Variants in PGAP1 observed in about 807,000 individuals in gnomAD.
PGAP1 encodes GPI inositol-deacylase.
Under a neutral mutation model 127.0 loss-of-function variants are expected in PGAP1, and 76 were observed. The ratio of observed to expected loss-of-function variants is 0.60; its 90% CI spans 0.50 to 0.72. The LOEUF (loss-of-function observed/expected upper bound fraction) is 0.72. Ranked by LOEUF, PGAP1 falls within the 30% of genes least tolerant of loss-of-function variation. The pLI is 0.00. For missense variants in PGAP1, 982 were observed against 1,071.3 expected (o/e 0.92, Z 1.16); for synonymous variants, 362 against 366.5 (o/e 0.99, Z 0.14).
intron 4 of PGAP1, among the ~76,000 whole-genome samples, chr2:196,904,392 T>C (rs1702615920): frequency 6.6e-6 from 1 of 151,746 alleles, no homozygotes; most frequent in African/African-American, 2.4e-5. Flanking sequence ...ACAAAGAAAA[T>C]GAAGAGACCC....
Position 196,843,888 on chromosome 2 carries a change from C to T in PGAP1, c.2525G>A (p.Arg842Lys). The T allele has an allele frequency of 6.6e-7, 1 of 1,506,564 alleles. No homozygotes were observed. Among genetic ancestry groups the T allele is most frequent in the Non-Finnish European group, 9.0e-7 (1 of 1,115,154 alleles). The allele number at this position is 1,506,564 out of a possible 1,614,324, so 93.3% of individuals were successfully genotyped here. Residue 842 changes from arginine (R) to lysine (K), a missense_variant and splice_region_variant, in exon 25 of 27, where the codon AGG becomes AAG. Coordinates refer to ENST00000354764, the MANE Select transcript of PGAP1 (RefSeq NM_024989.4). Reference protein sequence around the residue: ...PSLIYWLKNLRYYFKLNPDPC... With the variant: ...PSLIYWLKNLKYYFKLNPDPC... ...CAATAATTATATCAATAAAACGCACCTAAGATTCTTTAGCCAATAAATTAG... is the reference window on the plus strand; with the variant it reads ...CAATAATTATATCAATAAAACGCACTTAAGATTCTTTAGCCAATAAATTAG...
chr2:196,856,986 G>A (rs1700905528), intron 20 of PGAP1, among the ~76,000 whole-genome samples: 1 of 152,048 alleles, frequency 6.6e-6, no homozygotes, highest in Non-Finnish European at 1.5e-5. Flanking sequence ...TATATTCCTA[G>A]GTATTTTATT....
chr2:196,920,120 G>C lies in PGAP1; in HGVS notation c.178C>G (p.Arg60Gly). Residue 60 changes from arginine to glycine, a missense_variant, in exon 2 of 27, where the codon CGC becomes GGC. Transcript: ENST00000354764. ...KIELPKKLAK[R>G]YPAYELYLYG... ...AGATACAACTCATATGCGGGATAGC[G>C]TTTTGCCAGTTTCTTTGGAAGTTCT... The C allele has an allele frequency of 6.2e-7, 1 of 1,606,948 alleles. No individual in the cohort carries two copies. The highest frequency in any genetic ancestry group is 8.5e-7 in the Non-Finnish European group (1 of 1,177,474).
rs1700680065 is a variant in PGAP1, at chr2:196,850,251, T to C, written c.1862-2214A>G. ...CTTATCATTTCTTGTTGGTTTCTCTTAACCCTGCACATATACCTTTGAAAT... is the reference window on the plus strand; with the variant it reads ...CTTATCATTTCTTGTTGGTTTCTCTCAACCCTGCACATATACCTTTGAAAT... On this transcript the variant is annotated intron_variant, in intron 20 of 26. Transcript: ENST00000354764. Among the ~76,000 whole-genome samples the C allele has an allele frequency of 3.9e-5, 6 of 152,224 alleles. No individual in the cohort carries two copies. In the South Asian group the frequency reaches 1.2e-3, roughly 31 times the overall value.
Position 196,919,961 on chromosome 2 carries a change from T to G in PGAP1, c.301+36A>C, listed in dbSNP as rs757029852. 5 of 1,579,144 alleles carry G rather than the reference T, an allele frequency of 3.2e-6. No individual in the cohort carries two copies. The African/African-American group carries it at 6.8e-5, about 22-fold the overall frequency. Reference sequence around the variant, plus strand: ...ATGATTCAAATTCTTGAGTTGAATTTTATAGCTTTCAAAATTTACTTCCAG... The same window carrying G: ...ATGATTCAAATTCTTGAGTTGAATTGTATAGCTTTCAAAATTTACTTCCAG... On this transcript the variant is annotated intron_variant, in intron 2 of 26. Coordinates refer to ENST00000354764, the MANE Select transcript of PGAP1 (RefSeq NM_024989.4).
chr2:196,887,783 G>A (rs146095349), intron 10 of PGAP1, among the ~76,000 whole-genome samples: 2 of 152,280 alleles, frequency 1.3e-5, no homozygotes, highest in African/African-American at 4.8e-5. Context: ...AAAAAGTGTG[G>A]TGTTTCTCTG....
At chr2:196,865,973 G>T (rs985855437) in intron 19 of PGAP1, among the ~76,000 whole-genome samples, 1 of 152,040 alleles carries the variant, frequency 6.6e-6, no homozygotes, top group African/African-American at 2.4e-5. Flanking sequence ...AAATAAGAGA[G>T]GACACAAATA....
intron 1 of PGAP1, among the ~76,000 whole-genome samples, chr2:196,922,934 C>T (rs1014553535): frequency 9.9e-5 from 15 of 151,968 alleles, no homozygotes; most frequent in African/African-American, 3.6e-4. Flanking sequence ...AAGTGATCTG[C>T]CCGCCTTGGC....
At chr2:196,876,592 T>C (rs975345033) in intron 13 of PGAP1, among the ~76,000 whole-genome samples, 1 of 152,156 alleles carries the variant, frequency 6.6e-6, no homozygotes, top group Non-Finnish European at 1.5e-5. Context: ...ATCTCTACAA[T>C]GCAATCATAT....
intron 19 of PGAP1, among the ~76,000 whole-genome samples, chr2:196,870,131 C>T (rs1701367193): frequency 6.6e-6 from 1 of 152,000 alleles, no homozygotes; most frequent in African/African-American, 2.4e-5. Flanking sequence ...CTAATGAATT[C>T]AACACATTTA....
intron 13 of PGAP1, among the ~76,000 whole-genome samples, chr2:196,878,497 A>G (rs765696470): frequency 7.2e-5 from 11 of 152,134 alleles, no homozygotes; most frequent in Non-Finnish European, 1.3e-4. Context: ...CACCTGTCAG[A>G]AAGTTTTTAG....
chr2:196,922,102 C>G, intron 1 of PGAP1: 1 of 1,241,274 alleles, frequency 8.1e-7, no homozygotes, highest in Non-Finnish European at 1.0e-6. Context: ...AGATCAATTA[C>G]CTTTGTATTT....
Position 196,844,058 on chromosome 2 carries a change from T to TC in PGAP1, c.2354dup (p.Arg786LysfsTer3). On this transcript the variant is annotated frameshift_variant, in exon 25 of 27. Transcript: ENST00000354764. LOFTEE classifies it high-confidence loss of function. ...GATGATTGGATTTCTTTTCACTTCT[T>TC]CTAGAGTGTTTGGGATTCTATAAAA... The TC allele has an allele frequency of 6.3e-7, 1 of 1,585,288 alleles. No individual in the cohort carries two copies. Among genetic ancestry groups the TC allele is most frequent in the East Asian group, 2.2e-5 (1 of 44,478 alleles).
rs375416545 is a variant in PGAP1 at position 196,897,244 on chromosome 2, T to C, written c.861-47A>G. ...ACAAATAAAACTTTCTTAAAACATA[T>C]ACTTTTGATCAAAATATGCACAATT... On this transcript the variant is annotated intron_variant, in intron 6 of 26. Transcript: ENST00000354764. The C allele has an allele frequency of 3.6e-4, 427 of 1,192,834 alleles. 6 individuals carry two copies. In the South Asian group the frequency reaches 4.7e-3, roughly 13 times the overall value. 73.9% of individuals were successfully genotyped at this position (1,192,834 alleles called of 1,614,324 possible).
chr2:196,911,649 A>C (rs1455910168), intron 4 of PGAP1, among the ~76,000 whole-genome samples: 2 of 145,054 alleles, frequency 1.4e-5, no homozygotes, highest in African/African-American at 5.1e-5. Flanking sequence ...AAGATAATGC[A>C]AATTTTTATA....
chr2:196,922,556 C>T (rs899166839), intron 1 of PGAP1: 35 of 955,622 alleles, frequency 3.7e-5, no homozygotes, highest in Non-Finnish European at 4.0e-5. Flanking sequence ...ATAGTTCATA[C>T]TGCTAACACA....
intron 20 of PGAP1, among the ~76,000 whole-genome samples, chr2:196,855,390 A>G (rs1204894851): frequency 6.6e-6 from 1 of 151,716 alleles, no homozygotes; most frequent in Non-Finnish European, 1.5e-5. Flanking sequence ...TATTACAGGT[A>G]TAAGCCACCA....
chr2:196,887,289 C>G (rs1320602290), intron 10 of PGAP1, among the ~76,000 whole-genome samples: 1 of 152,078 alleles, frequency 6.6e-6, no homozygotes, highest in Non-Finnish European at 1.5e-5. Context: ...GAGGCTGAGG[C>G]AGGAGAATGG....
chr2:196,849,261 ATT>A (rs747641877), intron 20 of PGAP1, among the ~76,000 whole-genome samples: 11 of 135,968 alleles, frequency 8.1e-5, no homozygotes, highest in South Asian at 2.3e-4. Context: ...TGTCAGAATA[ATT>A]TTTTTTTTTT....
Sources: allele counts gnomAD v4.1 joint callset (sites outside exome capture counted in the v4.1 genomes callset), GRCh38; gene constraint gnomAD v4.1.1; transcripts MANE v1.5; gene names NCBI Gene and HGNC (gene_info 2026-07-23, HGNC 2026-07-21).